Variants in AFF1 observed in about 807,000 individuals in gnomAD.
AFF1 encodes the protein ALF transcription elongation factor 1, also known as AF4/FMR2 family member 1.
In AFF1, 48 loss-of-function variants were observed where a neutral mutation model predicts 121.7. That is an observed-to-expected ratio of 0.39 (90% CI 0.31 to 0.50). AFF1 has a LOEUF of 0.50. AFF1 is among the 20% of genes least tolerant of loss of function. The pLI, the probability that AFF1 is intolerant of heterozygous loss-of-function variation, is 0.76. For missense variants in AFF1, 1,523 were observed against 1,511.7 expected, an observed-to-expected ratio of 1.01 and a Z score of -0.12; for synonymous variants, 613 against 563.0, an observed-to-expected ratio of 1.09 and a Z score of -1.26.
Position 86,938,484 on chromosome 4 carries a change from A to G in AFF1, c.-37+3244A>G, listed in dbSNP as rs1578806840. On this transcript the variant is annotated intron_variant, in intron 1 of 20. Coordinates refer to ENST00000395146, the MANE Select transcript of AFF1 (RefSeq NM_001166693.3). ...AAAAAAAAAGAAAAGGAAAAAAGTA[A>G]GTGTATTTACCATAAATATACAGAG... Among the ~76,000 whole-genome samples, 5 of 151,176 alleles carry G rather than the reference A, an allele frequency of 3.3e-5. No homozygotes were observed. In the South Asian group the frequency reaches 1.0e-3, roughly 31 times the overall value.
In AFF1 at chr4:87,127,673, A is replaced by G; in HGVS notation, c.2934A>G (p.Ala978=). 1 of 1,614,096 alleles carries G rather than the reference A, an allele frequency of 6.2e-7. No homozygotes were observed. Among genetic ancestry groups the G allele is most frequent in the Non-Finnish European group, 8.5e-7 (1 of 1,179,968 alleles). The change falls in exon 16 of 21, where the codon GCA becomes GCG. Residue 978 remains alanine (A), a synonymous_variant. Coordinates refer to ENST00000395146, the MANE Select transcript of AFF1 (RefSeq NM_001166693.3). The part of the protein sequence containing the change: ...KQQADLHMRE[A]KKMKQKAELM... ...AAGCAGACCTTCACATGAGGGAGGC[A>G]AAAAAGATGAAGCAGAAAGCAGAGT...
chr4:87,028,796 T>G (rs1000167010), intron 2 of AFF1, among the ~76,000 whole-genome samples: 1 of 152,224 alleles, frequency 6.6e-6, no homozygotes, highest in Non-Finnish European at 1.5e-5. Context: ...ACTAAATCAT[T>G]CCCTGCCACT....
Position 87,105,871 on chromosome 4 carries a change from G to A in AFF1, c.1376+26G>A, listed in dbSNP as rs150890635. Reference sequence around the variant, plus strand: ...GTACCGTGTGGGTTTCTCCCCATCTGTACAGAATGTTTGCAATTTTTTACC... The same window carrying A: ...GTACCGTGTGGGTTTCTCCCCATCTATACAGAATGTTTGCAATTTTTTACC... On this transcript the variant is annotated intron_variant, in intron 10 of 20. Transcript: ENST00000395146. The A allele has an allele frequency of 1.4e-3, 2,218 of 1,613,030 alleles. 29 individuals are homozygous for A. The African/African-American group carries it at 0.026, about 19-fold the overall frequency.
intron 2 of AFF1, among the ~76,000 whole-genome samples, chr4:86,993,570 T>C (rs746877422): frequency 6.6e-6 from 1 of 152,188 alleles, no homozygotes; most frequent in Non-Finnish European, 1.5e-5. Flanking sequence ...TGTGGACACT[T>C]GTCTTTGAGA....
chr4:87,127,620 C>A (rs948722854), intron 15 of AFF1, 23 bp from the exon 16 acceptor site: 8 of 1,613,900 alleles, frequency 5.0e-6, no homozygotes, highest in Non-Finnish European at 6.8e-6. Flanking sequence ...TATGACCTGT[C>A]CCTGGTTTTT....
chr4:87,111,645 C>A (rs7440770), intron 11 of AFF1, among the ~76,000 whole-genome samples: 23,349 of 152,176 alleles, frequency 0.15, 2,251 homozygotes, highest in South Asian at 0.25. Flanking sequence ...TGAGCCACTG[C>A]GCCCAGCCTA....
chr4:87,069,934 C>T (rs1721842794), intron 4 of AFF1, among the ~76,000 whole-genome samples: 1 of 151,468 alleles, frequency 6.6e-6, no homozygotes, highest in African/African-American at 2.4e-5. Context: ...AATTCTCCTG[C>T]CTCAGCCTCC....
intron 2 of AFF1, among the ~76,000 whole-genome samples, chr4:86,979,414 A>G (rs1368702899): frequency 6.6e-6 from 1 of 152,134 alleles, no homozygotes; most frequent in Non-Finnish European, 1.5e-5. Context: ...GCTTCTCTTA[A>G]CACACTGGGA....
intron 2 of AFF1, among the ~76,000 whole-genome samples, chr4:86,992,873 T>G (rs1334983712): frequency 6.6e-6 from 1 of 152,204 alleles, no homozygotes; most frequent in Non-Finnish European, 1.5e-5. Flanking sequence ...CTTTTTGTTC[T>G]CTAGATTAAT....
chr4:87,056,038 T>C (rs978078925), intron 4 of AFF1, among the ~76,000 whole-genome samples: 2 of 152,230 alleles, frequency 1.3e-5, no homozygotes, highest in African/African-American at 4.8e-5. Context: ...TAGTTTTCTC[T>C]TGAACTTCAT....
At chr4:87,001,682 A>G (rs1578031828) in intron 2 of AFF1, among the ~76,000 whole-genome samples, 3 of 152,230 alleles carry the variant, frequency 2.0e-5, no homozygotes, top group African/African-American at 4.8e-5. Context: ...GAGAACCTGG[A>G]AAGTGTGAAA....
intron 2 of AFF1, among the ~76,000 whole-genome samples, chr4:86,986,289 C>T (rs1194195049): frequency 6.6e-6 from 1 of 152,038 alleles, no homozygotes; most frequent in East Asian, 1.9e-4. Flanking sequence ...CCAGGCTGGT[C>T]TTGAACACCT....
chr4:87,056,391 C>A (rs919321715), intron 4 of AFF1, among the ~76,000 whole-genome samples: 5 of 152,044 alleles, frequency 3.3e-5, no homozygotes, highest in African/African-American at 1.2e-4. Flanking sequence ...TCTTAACAAC[C>A]CCACACTATA....
intron 4 of AFF1, among the ~76,000 whole-genome samples, chr4:87,081,677 T>A (rs1723197114): frequency 6.6e-6 from 1 of 152,182 alleles, no homozygotes; most frequent in Non-Finnish European, 1.5e-5. Flanking sequence ...TATGCCCTCA[T>A]ATATTTGGAA....
intron 2 of AFF1, among the ~76,000 whole-genome samples, chr4:86,982,626 C>T (rs1723847382): frequency 6.6e-6 from 1 of 151,104 alleles, no homozygotes; most frequent in Admixed American, 6.6e-5. Flanking sequence ...AGACAGATCA[C>T]CTGAGGTCAA....
In AFF1 at chr4:87,136,811, A is replaced by C. The variant is rs548520700; in HGVS notation, c.*1110A>C. The C allele has an allele frequency of 1.8e-5, 4 of 221,712 alleles. No individual in the cohort carries two copies. The Admixed American group carries it at 2.3e-4, about 13-fold the overall frequency. 13.7% of individuals were successfully genotyped at this position (221,712 alleles called of 1,614,324 possible). A position where few individuals can be genotyped will look rare whatever the true frequency, so the allele number is the denominator to read the frequency against. Reference sequence around the variant, plus strand: ...CTACAAATATTTTATATTTATAGCAAAACTAGACTTTCAGAGTCCTTGATT... The same window carrying C: ...CTACAAATATTTTATATTTATAGCACAACTAGACTTTCAGAGTCCTTGATT... On this transcript the variant is annotated 3_prime_UTR_variant, in exon 21 of 21. Coordinates refer to ENST00000395146, the MANE Select transcript of AFF1 (RefSeq NM_001166693.3).
intron 2 of AFF1, among the ~76,000 whole-genome samples, chr4:86,977,681 C>T (rs1301622992): frequency 6.6e-6 from 1 of 152,140 alleles, no homozygotes; most frequent in Non-Finnish European, 1.5e-5. Context: ...AGACTGGGTC[C>T]CCTCAGGGTG....
At chr4:87,032,448 T>C (rs1291832830) in intron 2 of AFF1, among the ~76,000 whole-genome samples, 1 of 152,204 alleles carries the variant, frequency 6.6e-6, no homozygotes. Context: ...GATCAAGATA[T>C]AAACAAAAGC....
chr4:87,053,903 C>G (rs1157752670), intron 4 of AFF1, among the ~76,000 whole-genome samples: 1 of 152,198 alleles, frequency 6.6e-6, no homozygotes, highest in Admixed American at 6.5e-5. Context: ...CTGAGGAAGG[C>G]TTCTCTGAGG....
Sources: allele counts gnomAD v4.1 joint callset (sites outside exome capture counted in the v4.1 genomes callset), GRCh38; gene constraint gnomAD v4.1.1; transcripts MANE v1.5; gene names NCBI Gene and HGNC (gene_info 2026-07-23, HGNC 2026-07-21).